TEX9: variants seen among roughly 807,000 people sequenced by gnomAD.
TEX9 encodes testis-expressed protein 9.
Under a neutral mutation model 59.6 loss-of-function variants are expected in TEX9, and 74 were observed. That is an observed-to-expected ratio of 1.24 (90% CI 1.03 to 1.51). The LOEUF (loss-of-function observed/expected upper bound fraction) is 1.51, where lower values mean the gene tolerates loss of function less well. TEX9 is among the 40% of genes most tolerant of loss of function. TEX9 has a pLI of 0.00. For missense variants in TEX9, 522 were observed against 447.8 expected, an observed-to-expected ratio of 1.17 and a Z score of -1.49; for synonymous variants, 186 against 152.2, an observed-to-expected ratio of 1.22 and a Z score of -1.64.
chr15:56,424,851 C>T (rs1204553493), intron 10 of TEX9, among the ~76,000 whole-genome samples: 3 of 152,100 alleles, frequency 2.0e-5, no homozygotes, highest in Non-Finnish European at 4.4e-5. Flanking sequence ...TGGGGAATTT[C>T]ATATTTGCAT....
chr15:56,368,881 G>A (rs2141985613), intron 2 of TEX9, among the ~76,000 whole-genome samples: 1 of 152,082 alleles, frequency 6.6e-6, no homozygotes, highest in Admixed American at 6.5e-5. Flanking sequence ...GCTAATCTGT[G>A]CTATTTTAAA....
chr15:56,412,323 C>T, exon 10 of TEX9: 1 of 1,611,326 alleles, frequency 6.2e-7, no homozygotes, highest in Non-Finnish European at 8.5e-7. Flanking sequence ...TAAAAGAAGA[C>T]TGCAAAAACA....
chr15:56,342,868 C>G (rs1041385274), intron 1 of TEX9, among the ~76,000 whole-genome samples: 1 of 152,078 alleles, frequency 6.6e-6, no homozygotes, highest in Non-Finnish European at 1.5e-5. Flanking sequence ...GGGTAAACTC[C>G]CATGTTACCT....
At chr15:56,366,063 G>A (rs1203944578) in intron 2 of TEX9, among the ~76,000 whole-genome samples, 1 of 152,074 alleles carries the variant, frequency 6.6e-6, no homozygotes, top group Non-Finnish European at 1.5e-5. Context: ...CCTTTAGGTT[G>A]GTTTCTAAAT....
intron 1 of TEX9, among the ~76,000 whole-genome samples, chr15:56,255,792 C>A (rs891490831): frequency 1.4e-4 from 21 of 151,876 alleles, no homozygotes; most frequent in African/African-American, 5.1e-4. Flanking sequence ...TTTTAGAAGA[C>A]TTTAACACAC....
intron 1 of TEX9, among the ~76,000 whole-genome samples, chr15:56,305,534 T>C (rs927519994): frequency 2.0e-5 from 3 of 152,154 alleles, no homozygotes; most frequent in African/African-American, 7.2e-5. Context: ...AAAGATAGTC[T>C]CTTCAATAAA....
chr15:56,300,699 GAGAGA>G (rs571391339), intron 1 of TEX9, among the ~76,000 whole-genome samples: 11,034 of 129,310 alleles, frequency 0.085, 463 homozygotes, highest in Middle Eastern at 0.13. Flanking sequence ...GAGAGAGAGA[GAGAGA>G]GAGGGAGAGA....
intron 1 of TEX9, among the ~76,000 whole-genome samples, chr15:56,264,066 T>A (rs1438883652): frequency 6.6e-6 from 1 of 152,218 alleles, no homozygotes; most frequent in African/African-American, 2.4e-5. Context: ...TAGGTTTTAA[T>A]GTGAACCCAT....
At chr15:56,444,704 T>C (rs567603216) in intron 12 of TEX9, 1 of 1,564,536 alleles carries the variant, frequency 6.4e-7, no homozygotes, top group South Asian at 1.1e-5. Context: ...ATCTTTCCGT[T>C]TTCAAATTTG....
the TEX9 span, among the ~76,000 whole-genome samples, chr15:56,459,977 C>T: frequency 5.1e-5 from 3 of 58,982 alleles, no homozygotes; most frequent in African/African-American, 8.1e-5. Flanking sequence ...GCAACAAGAG[C>T]GAAATTCTGT....
chr15:56,279,112 G>A (rs1025246497), intron 1 of TEX9, among the ~76,000 whole-genome samples: 6 of 151,744 alleles, frequency 4.0e-5, no homozygotes, highest in Non-Finnish European at 7.4e-5. Context: ...TAACTTTAAC[G>A]GGAAAAAAGC....
intron 12 of TEX9, among the ~76,000 whole-genome samples, chr15:56,442,435 A>G (rs749619284): frequency 8.6e-4 from 131 of 152,348 alleles, no homozygotes; most frequent in Non-Finnish European, 1.4e-3. Flanking sequence ...TGACACATGC[A>G]TGTGTGTATT....
At chr15:56,372,554 G>GA (rs2047239999) in intron 2 of TEX9, among the ~76,000 whole-genome samples, 1 of 152,076 alleles carries the variant, frequency 6.6e-6, no homozygotes, top group South Asian at 2.1e-4. Context: ...TAACAATAGG[G>GA]ACAGAGTTCA....
At chr15:56,443,894 A>T in intron 12 of TEX9, 1 of 1,384,210 alleles carries the variant, frequency 7.2e-7, no homozygotes, top group Non-Finnish European at 9.7e-7. Context: ...AGTAAACAAT[A>T]AAATATAAAA....
At chr15:56,404,374 CAT>C (rs1274946009) in intron 9 of TEX9, among the ~76,000 whole-genome samples, 9 of 152,164 alleles carry the variant, frequency 5.9e-5, no homozygotes, top group African/African-American at 2.2e-4. Context: ...CCAAAAGACA[CAT>C]GAGAAAATGC....
At chr15:56,316,744 C>A (rs1376476565) in intron 1 of TEX9, among the ~76,000 whole-genome samples, 1 of 152,198 alleles carries the variant, frequency 6.6e-6, no homozygotes, top group Admixed American at 6.5e-5. Context: ...CGCCCCTCCC[C>A]CAGCCTCGCT....
At chr15:56,434,479 T>C (rs1269889891) in intron 12 of TEX9, 1 of 1,365,672 alleles carries the variant, frequency 7.3e-7, no homozygotes, top group Non-Finnish European at 9.9e-7. Context: ...TTTGGTTAAA[T>C]TTAGTATTAC....
At chr15:56,341,735 C>T (rs1596103770) in intron 1 of TEX9, among the ~76,000 whole-genome samples, 1 of 151,888 alleles carries the variant, frequency 6.6e-6, no homozygotes, top group South Asian at 2.1e-4. Context: ...AAGTTGAACC[C>T]ATGAAAGGTC....
intron 1 of TEX9, among the ~76,000 whole-genome samples, chr15:56,356,467 A>G (rs2046686967): frequency 6.6e-6 from 1 of 152,084 alleles, no homozygotes; most frequent in Non-Finnish European, 1.5e-5. Context: ...GTGTTTCAAA[A>G]TACTCCACTA....
Sources: allele counts gnomAD v4.1 joint callset (sites outside exome capture counted in the v4.1 genomes callset), GRCh38; gene constraint gnomAD v4.1.1; transcripts MANE v1.5; gene names NCBI Gene and HGNC (gene_info 2026-07-23, HGNC 2026-07-21).